MCC: variants seen among roughly 807,000 people sequenced by gnomAD.
The protein encoded by MCC is MCC regulator of Wnt signaling pathway, also known as colorectal mutant cancer protein.
In MCC, 90 loss-of-function variants were observed where a neutral mutation model predicts 116.2. The ratio of observed to expected loss-of-function variants is 0.77; its 90% CI spans 0.65 to 0.92. The LOEUF is 0.92. Ranked by LOEUF, MCC falls within the 40% of genes least tolerant of loss-of-function variation. The pLI is 0.00. For missense variants in MCC, 1,516 were observed against 1,312.2 expected (o/e 1.16, Z -2.40); for synonymous variants, 578 against 510.5 (o/e 1.13, Z -1.78).
At chr5:113,100,464 C>CTTTTTTTTTTT (rs10649958) in intron 8 of MCC, among the ~76,000 whole-genome samples, 4 of 78,804 alleles carry the variant, frequency 5.1e-5, no homozygotes, top group Non-Finnish European at 6.8e-5. Context: ...GTATTTTTCC[C>CTTTTTTTTTTT]TTTTTTTTTT....
chr5:113,290,038 T>C (rs1561509253), intron 3 of MCC, among the ~76,000 whole-genome samples: 1 of 152,228 alleles, frequency 6.6e-6, no homozygotes, highest in Non-Finnish European at 1.5e-5. Context: ...ATTAATTTGA[T>C]GATGAACAGC....
chr5:113,295,580 G>A (rs989650747), intron 3 of MCC, among the ~76,000 whole-genome samples: 1 of 151,178 alleles, frequency 6.6e-6, no homozygotes, highest in Non-Finnish European at 1.5e-5. Flanking sequence ...TTGAGCGGAG[G>A]TAGAGTTGTA....
At position 113,119,272 on chromosome 5, in the gene MCC, C is replaced by T. The variant is rs1325220607; in HGVS notation, c.1027+3412G>A. Reference sequence around the variant, plus strand: ...CAAGGAAATGAGCACAAACACAATCCATCCTCAGGGAGTGCTCCATGTTAT... The same window carrying T: ...CAAGGAAATGAGCACAAACACAATCTATCCTCAGGGAGTGCTCCATGTTAT... On this transcript the variant is annotated intron_variant, in intron 6 of 18. Transcript: ENST00000408903. 2.9e-4 allele frequency among the ~76,000 whole-genome samples: 44 copies of T among 152,192 alleles called. 1 individual carries two copies. The highest frequency in any genetic ancestry group is 2.8e-3 in the Admixed American group (43 of 15,290).
Position 113,029,027 on chromosome 5 carries a change from T to A in MCC, c.2786A>T (p.Glu929Val). ...REKKLKARVQ[E>V]LVSALERLTK... ...GAGTCTCTCCAAGGCACTCACCAGC[T>A]CTTGAACTCTGGCCTTCAACTTCTT... Residue 929 changes from glutamate (E) to valine (V), a missense_variant, in exon 18 of 19, where the codon GAG (glutamate) becomes GTG (valine). Physicochemically the swap from Glu to Val is moderately radical, Grantham distance 121 (BLOSUM62 -2). Transcript: ENST00000408903. The A allele has an allele frequency of 1.2e-6, 2 of 1,613,482 alleles. No homozygotes were observed. The highest frequency in any genetic ancestry group is 1.7e-6 in the Non-Finnish European group (2 of 1,179,680).
At chr5:113,486,596 C>T (rs745600560) in intron 1 of MCC, among the ~76,000 whole-genome samples, 1 of 152,270 alleles carries the variant, frequency 6.6e-6, no homozygotes, top group South Asian at 2.1e-4. Flanking sequence ...GTAATCTCAG[C>T]GCTTCCTAAG....
chr5:113,424,374 T>C (rs936992543), intron 1 of MCC, among the ~76,000 whole-genome samples: 1 of 152,080 alleles, frequency 6.6e-6, no homozygotes, highest in Admixed American at 6.5e-5. Flanking sequence ...CATCAGTATA[T>C]AGTTAAACAA....
rs545140741 is a variant in MCC at position 113,077,513 on chromosome 5, T to C, written c.1784+5347A>G. On this transcript the variant is annotated intron_variant, in intron 11 of 18. Transcript: ENST00000408903. ...CAGGATTAAGAAACTCACTCAAAAC[T>C]GCATAACTACATGGAAACTGAACAA... is the stretch of plus-strand genomic sequence containing the variant. Among the ~76,000 whole-genome samples the C allele has an allele frequency of 1.6e-3, 238 of 152,218 alleles. 3 individuals carry two copies. The highest frequency in any genetic ancestry group is 5.4e-3 in the African/African-American group (223 of 41,546).
intron 1 of MCC, among the ~76,000 whole-genome samples, chr5:113,426,938 CAA>C (rs1770500820): frequency 6.6e-6 from 1 of 152,136 alleles, no homozygotes; most frequent in Non-Finnish European, 1.5e-5. Flanking sequence ...TCTCCACAAA[CAA>C]AATCCACAAA....
chr5:113,254,549 C>T (rs1659565980), intron 3 of MCC, among the ~76,000 whole-genome samples: 3 of 152,086 alleles, frequency 2.0e-5, no homozygotes, highest in Admixed American at 2.0e-4. Context: ...AAGAACAAGG[C>T]TATATAAGAA....
chr5:113,048,178 A>G (rs114830969), intron 16 of MCC, among the ~76,000 whole-genome samples: 16 of 152,356 alleles, frequency 1.1e-4, no homozygotes, highest in African/African-American at 3.8e-4. Flanking sequence ...CTTAAGGGCG[A>G]TAATAAATGC....
At chr5:113,279,578 G>C (rs142012398) in intron 3 of MCC, among the ~76,000 whole-genome samples, 2,153 of 152,252 alleles carry the variant, frequency 0.014, 58 homozygotes, top group African/African-American at 0.049. Flanking sequence ...TTGTAAGAAA[G>C]GATGTCTTTT....
rs1160757743 is a variant in MCC, at chr5:113,040,880, T to C, written c.2756+2650A>G. Among the ~76,000 whole-genome samples, 10 of 152,322 alleles carry C rather than the reference T, an allele frequency of 6.6e-5. No individual in the cohort carries two copies. The East Asian group carries it at 7.7e-4, about 12-fold the overall frequency. On this transcript the variant is annotated intron_variant, in intron 17 of 18. Coordinates refer to ENST00000408903, the MANE Select transcript of MCC (RefSeq NM_001085377.2). ...GTCTCTTTATGTTTAGTCAGCACAATCTGCATCTTCCTTGTGCCAGCAAAG... is the reference window on the plus strand; with the variant it reads ...GTCTCTTTATGTTTAGTCAGCACAACCTGCATCTTCCTTGTGCCAGCAAAG...
chr5:113,062,958 G>A (rs889382600), intron 14 of MCC, among the ~76,000 whole-genome samples: 13 of 152,154 alleles, frequency 8.5e-5, no homozygotes, highest in Non-Finnish European at 1.5e-5. Flanking sequence ...ATGCAGTTCT[G>A]GTCACTTAGT....
intron 3 of MCC, among the ~76,000 whole-genome samples, chr5:113,318,164 T>C (rs967157633): frequency 6.6e-6 from 1 of 152,184 alleles, no homozygotes; most frequent in African/African-American, 2.4e-5. Context: ...TTTGAGTACA[T>C]TCATTTTTTA....
chr5:113,303,902 G>A (rs546026408), intron 3 of MCC, among the ~76,000 whole-genome samples: 140 of 152,200 alleles, frequency 9.2e-4, no homozygotes, highest in African/African-American at 3.3e-3. Context: ...TGATCCACCC[G>A]CCTCGGCCTC....
intron 3 of MCC, among the ~76,000 whole-genome samples, chr5:113,328,791 G>A (rs1030752311): frequency 1.3e-5 from 2 of 152,132 alleles, no homozygotes; most frequent in African/African-American, 2.4e-5. Flanking sequence ...GTGTGTTTAT[G>A]TCCCAGGCTA....
At chr5:113,361,426 T>C (rs796134651) in intron 2 of MCC, among the ~76,000 whole-genome samples, 7 of 152,352 alleles carry the variant, frequency 4.6e-5, no homozygotes, top group African/African-American at 1.7e-4. Flanking sequence ...TTTTCTAATA[T>C]ATGCATAAAA....
At chr5:113,363,566 C>T (rs544509746) in intron 2 of MCC, among the ~76,000 whole-genome samples, 1 of 152,244 alleles carries the variant, frequency 6.6e-6, no homozygotes, top group African/African-American at 2.4e-5. Flanking sequence ...GGGGATGGTG[C>T]TAGACCATTC....
chr5:113,377,966 C>G (rs769084651), intron 2 of MCC, among the ~76,000 whole-genome samples: 1 of 152,048 alleles, frequency 6.6e-6, no homozygotes, highest in Non-Finnish European at 1.5e-5. Context: ...TGAAGGCTAT[C>G]GTGTGTGACT....
Sources: gnomAD v4.1 joint callset for allele counts (sites outside exome capture counted in the v4.1 genomes callset) on GRCh38, gnomAD v4.1.1 for gene constraint, MANE v1.5 for transcripts, NCBI Gene and HGNC (gene_info 2026-07-23, HGNC 2026-07-21) for gene names.